CNTN4: variants seen among roughly 807,000 people sequenced by gnomAD.
The protein encoded by CNTN4 is contactin-4.
CNTN4 carries 77 observed loss-of-function variants against 122.5 expected under a neutral mutation model. That is an observed-to-expected ratio of 0.63 (90% CI 0.52 to 0.76). CNTN4 has a LOEUF of 0.76. Among genes scored for constraint, CNTN4 ranks in the 30% least tolerant of loss-of-function variants. The probability of loss-of-function intolerance (pLI) is 0.00; values close to 1 mark genes in which losing one functional copy is unlikely to be tolerated. For synonymous variants in CNTN4, 512 were observed against 447.0 expected, an observed-to-expected ratio of 1.15 and a Z score of -1.83; for missense variants, 1,256 against 1,259.1, an observed-to-expected ratio of 1.00 and a Z score of 0.04.
At chr3:2,238,017 A>C (rs928031836) in intron 2 of CNTN4, among the ~76,000 whole-genome samples, 3 of 152,102 alleles carry the variant, frequency 2.0e-5, no homozygotes, top group South Asian at 2.1e-4. Flanking sequence ...ATGACTTGCC[A>C]TTGAGACGTT....
chr3:2,856,946 C>G (rs921925208), intron 7 of CNTN4, among the ~76,000 whole-genome samples: 1 of 152,152 alleles, frequency 6.6e-6, no homozygotes, highest in Non-Finnish European at 1.5e-5. Context: ...ATTAATCTGA[C>G]AGCGTTGTAT....
intron 3 of CNTN4, among the ~76,000 whole-genome samples, chr3:2,474,456 C>T (rs971436230): frequency 8.5e-5 from 13 of 152,244 alleles, no homozygotes; most frequent in South Asian, 4.1e-4. Flanking sequence ...TAAAACATTT[C>T]GCTTTCATTA....
intron 14 of CNTN4, among the ~76,000 whole-genome samples, chr3:3,004,375 A>C (rs933348397): frequency 1.3e-5 from 2 of 152,042 alleles, no homozygotes; most frequent in Non-Finnish European, 2.9e-5. Context: ...TAGTCCCCCC[A>C]TCAGTCTTCC....
intron 4 of CNTN4, among the ~76,000 whole-genome samples, chr3:2,618,263 T>C (rs111527701): frequency 0.095 from 14,420 of 152,086 alleles, 879 homozygotes; most frequent in Non-Finnish European, 0.13. Context: ...ATATGGAATA[T>C]GCATGTATAT....
At chr3:2,820,910 GC>G (rs2092850924) in intron 7 of CNTN4, among the ~76,000 whole-genome samples, 1 of 138,168 alleles carries the variant, frequency 7.2e-6, no homozygotes, top group African/African-American at 2.7e-5. Context: ...TGAAAACCCA[GC>G]TCATAATGTT....
In CNTN4 at chr3:2,438,223, A is replaced by T. The variant is rs190813604; in HGVS notation, c.-89+98990A>T. On this transcript the variant is annotated intron_variant, in intron 3 of 24. Transcript: ENST00000418658. The stretch of plus-strand genomic sequence containing the variant: ...AATTTTCAGGATATTCCTTTATTTT[A>T]AAACTGTGTTATTTGGCTGGGCACG... Among the ~76,000 whole-genome samples, 407 of 152,300 alleles carry T rather than the reference A, an allele frequency of 2.7e-3. 1 individual carries two copies. Among genetic ancestry groups the T allele is most frequent in the African/African-American group, 9.4e-3 (392 of 41,574 alleles).
intron 6 of CNTN4, among the ~76,000 whole-genome samples, chr3:2,761,337 C>T (rs986964209): frequency 3.9e-5 from 6 of 151,994 alleles, no homozygotes; most frequent in Admixed American, 2.6e-4. Flanking sequence ...ATTTTGCTGC[C>T]TTCATCTATT....
intron 5 of CNTN4, among the ~76,000 whole-genome samples, chr3:2,737,381 C>T (rs1371200898): frequency 6.6e-6 from 1 of 152,020 alleles, no homozygotes. Flanking sequence ...ACGCCCAGCC[C>T]GTAAAGAGCT....
At chr3:2,158,494 CCT>C (rs2035820550) in intron 2 of CNTN4, among the ~76,000 whole-genome samples, 1 of 152,154 alleles carries the variant, frequency 6.6e-6, no homozygotes, top group South Asian at 2.1e-4. Flanking sequence ...TAAATGCTTA[CCT>C]CTTAGATGAA....
At chr3:2,380,172 C>A (rs1303624981) in intron 3 of CNTN4, among the ~76,000 whole-genome samples, 2 of 152,008 alleles carry the variant, frequency 1.3e-5, no homozygotes, top group Non-Finnish European at 2.9e-5. Flanking sequence ...CATTCTCTTT[C>A]CTCTATCCAT....
At chr3:2,542,719 C>T (rs1246204295) in intron 3 of CNTN4, among the ~76,000 whole-genome samples, 1 of 152,016 alleles carries the variant, frequency 6.6e-6, no homozygotes, top group Non-Finnish European at 1.5e-5. Flanking sequence ...TCTCTTCTTT[C>T]GTAAATGAAC....
At chr3:2,377,493 G>A (rs763012125) in intron 3 of CNTN4, among the ~76,000 whole-genome samples, 6 of 152,058 alleles carry the variant, frequency 3.9e-5, no homozygotes, top group Admixed American at 3.9e-4. Flanking sequence ...CTAGAGATCT[G>A]GTATCTTCAC....
chr3:2,724,667 G>T (rs1254558183), intron 4 of CNTN4, among the ~76,000 whole-genome samples: 1 of 152,174 alleles, frequency 6.6e-6, no homozygotes, highest in African/African-American at 2.4e-5. Context: ...TAGTTGAGGA[G>T]CTGCGGTGCA....
At chr3:2,860,262 C>G (rs2093658266) in intron 7 of CNTN4, among the ~76,000 whole-genome samples, 1 of 152,164 alleles carries the variant, frequency 6.6e-6, no homozygotes, top group African/African-American at 2.4e-5. Context: ...GAGGTAATTG[C>G]CTGAAACACT....
intron 2 of CNTN4, among the ~76,000 whole-genome samples, chr3:2,294,827 C>T (rs78619640): frequency 6.6e-6 from 1 of 152,064 alleles, no homozygotes; most frequent in Non-Finnish European, 1.5e-5. Flanking sequence ...TCCCTCCCCT[C>T]TCCCCCAACC....
At chr3:2,359,321 A>G (rs974027425) in intron 3 of CNTN4, among the ~76,000 whole-genome samples, 28 of 152,176 alleles carry the variant, frequency 1.8e-4, no homozygotes, top group African/African-American at 6.5e-4. Context: ...AATGTACAAC[A>G]TACATTATAT....
At chr3:2,676,678 G>A (rs1314031679) in intron 4 of CNTN4, among the ~76,000 whole-genome samples, 1 of 152,166 alleles carries the variant, frequency 6.6e-6, no homozygotes, top group African/African-American at 2.4e-5. Flanking sequence ...AACGACATGG[G>A]AATTTTTTCA....
intron 3 of CNTN4, among the ~76,000 whole-genome samples, chr3:2,506,117 C>A (rs2076724524): frequency 6.6e-6 from 1 of 152,048 alleles, no homozygotes; most frequent in Non-Finnish European, 1.5e-5. Context: ...CGCCTTCCTT[C>A]TCATTTTGTT....
At position 2,269,855 on chromosome 3, in the gene CNTN4, C is replaced by G. The variant is rs570974489; in HGVS notation, c.-144-69323C>G. On this transcript the variant is annotated intron_variant, in intron 2 of 24. Coordinates refer to ENST00000418658, the MANE Select transcript of CNTN4 (RefSeq NM_175607.3). ...TTGTAGTAGAGCTTTGCATTCAGGA[C>G]TAGTAGTTGCCACCACCCCCCGCCC... Among the ~76,000 whole-genome samples, 3 of 152,196 alleles carry G rather than the reference C, an allele frequency of 2.0e-5. No homozygotes were observed. In the East Asian group the frequency reaches 5.8e-4, roughly 29 times the overall value.
Sources: allele counts gnomAD v4.1 joint callset (sites outside exome capture counted in the v4.1 genomes callset), GRCh38; gene constraint gnomAD v4.1.1; transcripts MANE v1.5; gene names NCBI Gene and HGNC (gene_info 2026-07-23, HGNC 2026-07-21).